Variants in CENPL observed in about 807,000 individuals in gnomAD.
CENPL encodes centromere protein L.
Under a neutral mutation model 35.2 loss-of-function variants are expected in CENPL, and 20 were observed. The ratio of observed to expected loss-of-function variants is 0.57; its 90% confidence interval spans 0.40 to 0.83. The LOEUF (loss-of-function observed/expected upper bound fraction) is 0.83, where lower values mean the gene tolerates loss of function less well. Among genes scored for constraint, CENPL ranks in the 40% least tolerant of loss-of-function variants. The probability of loss-of-function intolerance (pLI) is 0.00; values close to 1 mark genes in which losing one functional copy is unlikely to be tolerated. For missense variants in CENPL, 363 were observed against 395.8 expected, an observed-to-expected ratio of 0.92 and a Z score of 0.70; for synonymous variants, 140 against 140.6, an observed-to-expected ratio of 1.00 and a Z score of 0.03.
Position 173,811,266 on chromosome 1 carries a change from T to C in CENPL, c.34A>G (p.Ser12Gly). 1.2e-6 allele frequency: 2 copies of C among 1,612,158 alleles called. No individual in the cohort carries two copies. Among genetic ancestry groups the C allele is most frequent in the Non-Finnish European group, 1.7e-6 (2 of 1,178,304 alleles). ...TAATCTTCAGGTCTTGAGGATGCACTAGGAGTTGACTCTGGTGCACTGTAA... is the reference window on the plus strand; with the variant it reads ...TAATCTTCAGGTCTTGAGGATGCACCAGGAGTTGACTCTGGTGCACTGTAA... ...DSYSAPESTPSASSRPEDYFI... is the reference protein window; with the variant it reads ...DSYSAPESTPGASSRPEDYFI... Residue 12 changes from serine to glycine, a missense_variant, in exon 3 of 6, where the codon AGT (serine) becomes GGT (glycine). Ser to Gly is a moderately conservative substitution (Grantham distance 56, BLOSUM62 0). Coordinates refer to ENST00000682279, the MANE Select transcript of CENPL (RefSeq NM_001387287.1).
chr1:173,806,374 C>A lies in CENPL; in HGVS notation c.420+893G>T, dbSNP rs1650225160. 7.6e-6 allele frequency: 3 copies of A among 393,166 alleles called. No homozygotes were observed. The Admixed American group carries it at 8.1e-5, about 11-fold the overall frequency. 24.4% of individuals were successfully genotyped at this position (393,166 alleles called of 1,614,324 possible). A position where few individuals can be genotyped will look rare whatever the true frequency, so the allele number is the denominator to read the frequency against. On this transcript the variant is annotated intron_variant, in intron 4 of 5. Transcript: ENST00000682279. ...GCCAAGGTGGGTGGATCACTTGAGC[C>A]CAGGAGTTCAAGACCAACCTGGGCA... is the stretch of plus-strand genomic sequence containing the variant.
intron 2 of CENPL, among the ~76,000 whole-genome samples, chr1:173,817,936 T>C (rs577754843): frequency 1.3e-5 from 2 of 152,144 alleles, no homozygotes; most frequent in Non-Finnish European, 2.9e-5. Context: ...TTCTCACTCA[T>C]AGGTGGGAAT....
chr1:173,812,737 C>G (rs562575069), intron 2 of CENPL, among the ~76,000 whole-genome samples: 1 of 152,288 alleles, frequency 6.6e-6, no homozygotes, highest in South Asian at 2.1e-4. Flanking sequence ...AGCAGAAAAG[C>G]TGATAATTCT....
chr1:173,811,286 C>A lies in CENPL; in HGVS notation c.14G>T (p.Ser5Ile). MDSY[S>I]APESTPSASS... Reference sequence around the variant, plus strand: ...TGCACTAGGAGTTGACTCTGGTGCACTGTAAGAATCCATGGTCTGTCTGCA... The same window carrying A: ...TGCACTAGGAGTTGACTCTGGTGCAATGTAAGAATCCATGGTCTGTCTGCA... Residue 5 changes from serine (S) to isoleucine (I), a missense_variant, in exon 3 of 6, where the codon AGT (serine) becomes ATT (isoleucine). Coordinates refer to ENST00000682279, the MANE Select transcript of CENPL (RefSeq NM_001387287.1). 6.2e-7 allele frequency: 1 copy of A among 1,603,244 alleles called. No individual in the cohort carries two copies.
chr1:173,814,933 C>T (rs987108023), intron 2 of CENPL, among the ~76,000 whole-genome samples: 2 of 151,936 alleles, frequency 1.3e-5, no homozygotes, highest in African/African-American at 4.8e-5. Flanking sequence ...GTTGATAGAC[C>T]GTTAGCAAGA....
chr1:173,803,063 TA>T lies in CENPL; in HGVS notation c.862del (p.Tyr288IlefsTer17). 3 of 1,613,648 alleles carry T rather than the reference TA, an allele frequency of 1.9e-6. No homozygotes were observed. The highest frequency in any genetic ancestry group is 1.7e-5 in the Admixed American group (1 of 60,010). Reference protein sequence around the residue: ...EEVDLFMDCLYSHFHRHFKIH... With the variant: ...EEVDLFMDCLXSHFHRHFKIH... ...TTTGAAATGTCTATGGAAATGTGAA[TA>T]AAGGCAATCCATGAATAGGTCAACT... On this transcript the variant is annotated frameshift_variant, in exon 5 of 6. Coordinates refer to ENST00000682279, the MANE Select transcript of CENPL (RefSeq NM_001387287.1). LOFTEE classifies it high-confidence loss of function.
intron 2 of CENPL, among the ~76,000 whole-genome samples, chr1:173,817,571 T>C (rs1248476623): frequency 6.6e-6 from 1 of 152,200 alleles, no homozygotes; most frequent in Non-Finnish European, 1.5e-5. Flanking sequence ...TGTAAACTAG[T>C]TCAACCATTG....
rs183620490 is a variant in CENPL at position 173,810,543 on chromosome 1, G to A, written c.168+589C>T. Among the ~76,000 whole-genome samples, 43 of 152,070 alleles carry A rather than the reference G, an allele frequency of 2.8e-4. No individual in the cohort carries two copies. The East Asian group carries it at 5.2e-3, about 18-fold the overall frequency. ...AAATAAAAGTTAAAAAAAAAATACC[G>A]TGGACATGATTCAGATTAAAGGAGG... On this transcript the variant is annotated intron_variant, in intron 3 of 5. Transcript: ENST00000682279.
At chr1:173,818,552 AC>A (rs1230095024) in intron 2 of CENPL, among the ~76,000 whole-genome samples, 1 of 152,132 alleles carries the variant, frequency 6.6e-6, no homozygotes, top group South Asian at 2.1e-4. Flanking sequence ...GTCCTGAAAT[AC>A]CTATGGCATA....
intron 2 of CENPL, 102 bp from the exon 3 acceptor site, chr1:173,811,408 G>A (rs982821155): frequency 1.2e-6 from 1 of 804,444 alleles, no homozygotes; most frequent in African/African-American, 1.7e-5. Context: ...TTCTCTTTCT[G>A]TCTTTTCCCC....
chr1:173,818,878 G>A (rs1372295288), intron 2 of CENPL, among the ~76,000 whole-genome samples: 1 of 152,106 alleles, frequency 6.6e-6, no homozygotes, highest in East Asian at 1.9e-4. Flanking sequence ...CCAAATACAA[G>A]GCTGAGTGTC....
At chr1:173,812,862 A>G (rs1650976026) in intron 2 of CENPL, among the ~76,000 whole-genome samples, 1 of 152,168 alleles carries the variant, frequency 6.6e-6, no homozygotes, top group Non-Finnish European at 1.5e-5. Context: ...AAGGTCGGTA[A>G]TAACAAACTT....
intron 2 of CENPL, among the ~76,000 whole-genome samples, chr1:173,814,940 A>G (rs1474191228): frequency 3.3e-5 from 5 of 152,218 alleles, no homozygotes; most frequent in Non-Finnish European, 7.3e-5. Context: ...GACCGTTAGC[A>G]AGACTAATAA....
At chr1:173,817,187 CA>C (rs1486576583) in intron 2 of CENPL, among the ~76,000 whole-genome samples, 1 of 151,850 alleles carries the variant, frequency 6.6e-6, no homozygotes, top group Admixed American at 6.6e-5. Flanking sequence ...GTCTGCACAG[CA>C]AAAGAAACTA....
intron 2 of CENPL, among the ~76,000 whole-genome samples, chr1:173,815,456 A>C (rs1178854954): frequency 6.6e-6 from 1 of 152,214 alleles, no homozygotes; most frequent in Admixed American, 6.5e-5. Context: ...TGGCAAACTG[A>C]ATCCAGCAGC....
At chr1:173,811,379 C>CTTTAGAGTGAGGAA in intron 2 of CENPL, 73 bp from the exon 3 acceptor site, 4 of 1,049,810 alleles carry the variant, frequency 3.8e-6, no homozygotes, top group Non-Finnish European at 5.7e-6. Context: ...TCACTGATTC[C>CTTTAGAGTGAGGAA]TCACTCTAAA....
chr1:173,800,411 G>A lies in CENPL; in HGVS notation c.*37C>T. ...TAGCAATTAGGCAAGTTATCAATAA[G>A]AGTATATAATCTATAACTTATAGTC... is the stretch of plus-strand genomic sequence containing the variant. On this transcript the variant is annotated 3_prime_UTR_variant, in exon 6 of 6. Coordinates refer to ENST00000682279, the MANE Select transcript of CENPL (RefSeq NM_001387287.1). 1 of 799,878 alleles carries A rather than the reference G, an allele frequency of 1.3e-6. No homozygotes were observed. The highest frequency in any genetic ancestry group is 2.1e-6 in the Non-Finnish European group (1 of 468,144). The allele number at this position is 799,878 out of a possible 1,614,324, so 49.5% of individuals were successfully genotyped here. A position where few individuals can be genotyped will look rare whatever the true frequency, so the allele number is the denominator to read the frequency against.
chr1:173,814,631 C>G (rs185998650), intron 2 of CENPL, among the ~76,000 whole-genome samples: 183 of 152,262 alleles, frequency 1.2e-3, no homozygotes, highest in African/African-American at 4.2e-3. Flanking sequence ...TTCTTTGAAA[C>G]CAATGAGAAC....
Position 173,824,392 on chromosome 1 carries a change from C to G in CENPL, c.-282G>C, listed in dbSNP as rs1280417369. 1 of 152,278 alleles carries G rather than the reference C, an allele frequency of 6.6e-6. No individual in the cohort carries two copies. Among genetic ancestry groups the G allele is most frequent in the Non-Finnish European group, 1.5e-5 (1 of 68,082 alleles). The allele number at this position is 152,278 out of a possible 1,614,324, so 9.4% of individuals were successfully genotyped here. ...CTCCGCCGCCTCTTCAGTTTAAAAT[C>G]GTTTCCCGACTCGCTCTGCGGCCCC... On this transcript the variant is annotated 5_prime_UTR_variant, in exon 1 of 6. Transcript: ENST00000682279.
Sources: allele counts gnomAD v4.1 joint callset (sites outside exome capture counted in the v4.1 genomes callset), GRCh38; gene constraint gnomAD v4.1.1; transcripts MANE v1.5; gene names NCBI Gene and HGNC (gene_info 2026-07-23, HGNC 2026-07-21).